The following RALGPS1 variants were observed in gnomAD, a reference collection of about 807,000 sequenced individuals.
RALGPS1 encodes the protein ras-specific guanine nucleotide-releasing factor RalGPS1.
RALGPS1 carries 19 observed loss-of-function variants against 78.8 expected under a neutral mutation model. The ratio of observed to expected loss-of-function variants is 0.24; its 90% confidence interval spans 0.17 to 0.35. The LOEUF (loss-of-function observed/expected upper bound fraction) is 0.35, where lower values mean the gene tolerates loss of function less well. Among genes scored for constraint, RALGPS1 ranks in the 10% least tolerant of loss-of-function variants. RALGPS1 has a pLI of 1.00. For synonymous variants in RALGPS1, 228 were observed against 256.3 expected (o/e 0.89, Z 1.06); for missense variants, 454 against 688.3 (o/e 0.66, Z 3.81).
chr9:127,220,760 C>G lies in RALGPS1; in HGVS notation c.*1991C>G, dbSNP rs1386945243. On this transcript the variant is annotated 3_prime_UTR_variant, in exon 19 of 19. Coordinates refer to ENST00000259351, the MANE Select transcript of RALGPS1 (RefSeq NM_014636.3). ...GAAAGTGCAAGATGTGGAACATCAA[C>G]TACCTATTTTCCTTGGGTTTTTCCA... The G allele has an allele frequency of 6.6e-6, 1 of 152,424 alleles. No homozygotes were observed. The highest frequency in any genetic ancestry group is 1.5e-5 in the Non-Finnish European group (1 of 68,050). The allele number at this position is 152,424 out of a possible 1,614,324, so 9.4% of individuals were successfully genotyped here.
At chr9:127,058,429 C>T (rs1486430489) in intron 7 of RALGPS1, among the ~76,000 whole-genome samples, 1 of 152,014 alleles carries the variant, frequency 6.6e-6, no homozygotes, top group Non-Finnish European at 1.5e-5. Flanking sequence ...AAACTGGGGG[C>T]CTACTCAGCA....
intron 5 of RALGPS1, among the ~76,000 whole-genome samples, chr9:127,038,396 G>A (rs1240678298): frequency 1.3e-5 from 2 of 152,148 alleles, no homozygotes; most frequent in Non-Finnish European, 2.9e-5. Context: ...CTCTGCTTAA[G>A]GGGCCTTCTG....
chr9:127,080,989 T>C (rs927849316), intron 8 of RALGPS1, among the ~76,000 whole-genome samples: 1 of 152,202 alleles, frequency 6.6e-6, no homozygotes, highest in African/African-American at 2.4e-5. Flanking sequence ...GGAGCATCCT[T>C]ATCTGTGTGT....
rs1335856149 is a variant in RALGPS1, at chr9:126,915,300, C to T, written c.-66+325C>T. The T allele has an allele frequency of 6.6e-5, 3 of 45,502 alleles. No individual in the cohort carries two copies. The Admixed American group carries it at 9.7e-4, about 15-fold the overall frequency. 2.8% of individuals were successfully genotyped at this position (45,502 alleles called of 1,614,324 possible). Reference sequence around the variant, plus strand: ...GGGCGGGGCCGGGGGGGCAGTTGGGCGGGGCGCCGCGGCTGCAGGTGCGGG... The same window carrying T: ...GGGCGGGGCCGGGGGGGCAGTTGGGTGGGGCGCCGCGGCTGCAGGTGCGGG... On this transcript the variant is annotated intron_variant, in intron 1 of 18. Transcript: ENST00000259351.
chr9:127,222,073 C>G lies in RALGPS1; in HGVS notation c.*3304C>G, dbSNP rs900547069. On this transcript the variant is annotated 3_prime_UTR_variant, in exon 19 of 19. Coordinates refer to ENST00000259351, the MANE Select transcript of RALGPS1 (RefSeq NM_014636.3). ...CTTTAGAAATAACAGATTCTCTGCA[C>G]AAAACCACCCATTCATTCATTTATT... 2 of 152,194 alleles carry G rather than the reference C, an allele frequency of 1.3e-5. No individual in the cohort carries two copies. Among genetic ancestry groups the G allele is most frequent in the African/African-American group, 4.8e-5 (2 of 41,450 alleles). The allele number at this position is 152,194 out of a possible 1,614,324, so 9.4% of individuals were successfully genotyped here.
At chr9:126,984,341 A>C (rs2041600928) in intron 4 of RALGPS1, among the ~76,000 whole-genome samples, 1 of 152,162 alleles carries the variant, frequency 6.6e-6, no homozygotes, top group Non-Finnish European at 1.5e-5. Context: ...GGCCTCAAGC[A>C]GTTATCCTGC....
intron 4 of RALGPS1, among the ~76,000 whole-genome samples, chr9:127,002,932 C>T (rs2043474562): frequency 6.6e-6 from 1 of 152,060 alleles, no homozygotes; most frequent in African/African-American, 2.4e-5. Context: ...TTTATAGCAG[C>T]ATGATTTATA....
At chr9:127,070,665 G>A (rs2050117047) in intron 8 of RALGPS1, among the ~76,000 whole-genome samples, 1 of 151,956 alleles carries the variant, frequency 6.6e-6, no homozygotes, top group South Asian at 2.1e-4. Flanking sequence ...TAGTTTGGAT[G>A]TCAGGGTTTT....
At chr9:127,077,062 C>G (rs1190880538) in intron 8 of RALGPS1, among the ~76,000 whole-genome samples, 2 of 152,118 alleles carry the variant, frequency 1.3e-5, no homozygotes, top group Non-Finnish European at 2.9e-5. Flanking sequence ...AGGGCCTAGA[C>G]ATGGGAGTCA....
intron 8 of RALGPS1, among the ~76,000 whole-genome samples, chr9:127,092,321 T>C (rs2052586142): frequency 6.6e-6 from 1 of 152,170 alleles, no homozygotes; most frequent in Non-Finnish European, 1.5e-5. Flanking sequence ...TTCACCTCCT[T>C]CTCTGGAGAT....
chr9:126,987,386 ACC>A (rs1489342852), intron 4 of RALGPS1, among the ~76,000 whole-genome samples: 1 of 152,162 alleles, frequency 6.6e-6, no homozygotes, highest in Non-Finnish European at 1.5e-5. Context: ...AGAATGAATA[ACC>A]CTTTGGAAAG....
intron 4 of RALGPS1, among the ~76,000 whole-genome samples, chr9:127,008,308 AC>A (rs2079022238): frequency 6.6e-6 from 1 of 152,054 alleles, no homozygotes; most frequent in African/African-American, 2.4e-5. Context: ...TATTCCATGG[AC>A]CTAATCTTCA....
chr9:127,158,134 G>C (rs2058807197), intron 8 of RALGPS1, among the ~76,000 whole-genome samples: 1 of 151,996 alleles, frequency 6.6e-6, no homozygotes, highest in Non-Finnish European at 1.5e-5. Flanking sequence ...AGCTATTTCT[G>C]ATTTTTCCTG....
At chr9:127,177,423 C>T (rs892267470) in intron 11 of RALGPS1, among the ~76,000 whole-genome samples, 1 of 152,224 alleles carries the variant, frequency 6.6e-6, no homozygotes, top group African/African-American at 2.4e-5. Flanking sequence ...ATGCTGCTTC[C>T]TGCCAGGGCG....
chr9:127,123,142 C>G (rs568167883), intron 8 of RALGPS1, among the ~76,000 whole-genome samples: 3 of 152,378 alleles, frequency 2.0e-5, no homozygotes, highest in Admixed American at 2.0e-4. Flanking sequence ...CGCCTCTCCC[C>G]ATCAGCCGCC....
intron 8 of RALGPS1, among the ~76,000 whole-genome samples, chr9:127,133,621 A>G (rs1053290183): frequency 5.9e-5 from 9 of 152,210 alleles, no homozygotes; most frequent in African/African-American, 2.2e-4. Flanking sequence ...CTTTCTGGGC[A>G]GCCCCAGGTT....
chr9:127,118,762 C>G (rs544362441), intron 8 of RALGPS1, among the ~76,000 whole-genome samples: 1 of 152,336 alleles, frequency 6.6e-6, no homozygotes, highest in South Asian at 2.1e-4. Context: ...AGCCCCTCCC[C>G]CATCTGCCTG....
At chr9:127,048,101 G>A (rs2047975796) in intron 5 of RALGPS1, among the ~76,000 whole-genome samples, 1 of 152,022 alleles carries the variant, frequency 6.6e-6, no homozygotes, top group Non-Finnish European at 1.5e-5. Flanking sequence ...GAAAGTCCCT[G>A]TGTAGCATAG....
intron 8 of RALGPS1, among the ~76,000 whole-genome samples, chr9:127,094,525 C>T (rs1175400465): frequency 6.6e-6 from 1 of 152,260 alleles, no homozygotes; most frequent in Non-Finnish European, 1.5e-5. Context: ...ACTAAATGAA[C>T]TTCCACAGTC....
Sources: gnomAD v4.1 joint callset for allele counts (sites outside exome capture counted in the v4.1 genomes callset) on GRCh38, gnomAD v4.1.1 for gene constraint, MANE v1.5 for transcripts, NCBI Gene and HGNC (gene_info 2026-07-23, HGNC 2026-07-21) for gene names.